Variants in LRRC47 observed in about 807,000 individuals in gnomAD.
The protein encoded by LRRC47 is leucine rich repeat containing 47.
Under a neutral mutation model 40.9 loss-of-function variants are expected in LRRC47, and 31 were observed. The observed-to-expected ratio is 0.76, with a 90% confidence interval of 0.57 to 1.02. LRRC47 has a LOEUF of 1.02. Ranked by LOEUF, LRRC47 falls within the 50% of genes least tolerant of loss-of-function variation. The probability of loss-of-function intolerance (pLI) is 0.00; values close to 1 mark genes in which losing one functional copy is unlikely to be tolerated. For synonymous variants in LRRC47, 427 were observed against 371.9 expected, an observed-to-expected ratio of 1.15 and a Z score of -1.70; for missense variants, 726 against 796.1, an observed-to-expected ratio of 0.91 and a Z score of 1.06.
In LRRC47 at chr1:3,780,782, C is replaced by T. The variant is rs372544368; in HGVS notation, c.*306G>A. ...CATGAGGTCAAGAGATCAAGACCAT[C>T]CTGGTCAAAATGGTGAAACCCCGTC... On this transcript the variant is annotated 3_prime_UTR_variant, in exon 7 of 7. Transcript: ENST00000378251. The T allele has an allele frequency of 3.3e-3, 1,138 of 345,992 alleles. 36 individuals are homozygous for T. The South Asian group carries it at 0.033, about 10-fold the overall frequency. 21.4% of individuals were successfully genotyped at this position (345,992 alleles called of 1,614,324 possible).
intron 1 of LRRC47, among the ~76,000 whole-genome samples, chr1:3,790,956 C>T (rs533172818): frequency 1.3e-5 from 2 of 152,230 alleles, no homozygotes; most frequent in African/African-American, 2.4e-5. Flanking sequence ...GAACTGGGCT[C>T]GCACTTAGTT....
At position 3,781,506 on chromosome 1, in the gene LRRC47, A is replaced by G. The variant is rs558278116; in HGVS notation, c.1503+6T>C. 60 of 1,613,110 alleles carry G rather than the reference A, an allele frequency of 3.7e-5. No individual in the cohort carries two copies. The Middle Eastern group carries it at 3.3e-3, about 89-fold the overall frequency. On this transcript the variant is annotated splice_donor_region_variant and intron_variant, in intron 6 of 6. Transcript: ENST00000378251. ...CGTTTCTCAGGAGGAGCCACCCCAC[A>G]CTCACCAGAATGAGGGCATCCATGA...
Position 3,779,545 on chromosome 1 carries a change from C to T in LRRC47, c.*1543G>A, listed in dbSNP as rs1643498808. 6.6e-6 allele frequency: 1 copy of T among 152,206 alleles called. No homozygotes were observed. Among genetic ancestry groups the T allele is most frequent in the South Asian group, 2.1e-4 (1 of 4,818 alleles). The allele number at this position is 152,206 out of a possible 1,614,324, so 9.4% of individuals were successfully genotyped here. ...CTGGACATACACGAAGACACATGGA[C>T]GTGGGGGTCTGACCTGGACATTCAC... On this transcript the variant is annotated 3_prime_UTR_variant, in exon 7 of 7. Coordinates refer to ENST00000378251, the MANE Select transcript of LRRC47 (RefSeq NM_020710.3).
intron 1 of LRRC47, among the ~76,000 whole-genome samples, chr1:3,794,794 C>G (rs1643658169): frequency 6.6e-6 from 1 of 151,846 alleles, no homozygotes; most frequent in Admixed American, 6.6e-5. Flanking sequence ...GTGGCTCACA[C>G]CTGTAATCCT....
Position 3,795,861 on chromosome 1 carries a change from C to A in LRRC47, c.615+1G>T. On this transcript the variant is annotated splice_donor_variant, in intron 1 of 6. Transcript: ENST00000378251. LOFTEE classifies it high-confidence loss of function. ...GCCCCGCCCGGGCAGCCCCCGCTGA[C>A]CTTGAGCGAGGCCAGGTGGGCGATG... The A allele has an allele frequency of 6.3e-7, 1 of 1,581,644 alleles. No individual in the cohort carries two copies. Among genetic ancestry groups the A allele is most frequent in the African/African-American group, 1.4e-5 (1 of 73,222 alleles).
At position 3,787,182 on chromosome 1, in the gene LRRC47, G is replaced by A; in HGVS notation, c.744C>T (p.Gly248=). The A allele has an allele frequency of 6.2e-7, 1 of 1,613,878 alleles. No individual in the cohort carries two copies. The highest frequency in any genetic ancestry group is 8.5e-7 in the Non-Finnish European group (1 of 1,180,040). ...ACTCCAGGATGGATCTGGTCTGGCA[G>A]CCGCTGACCATCTTCTCCAGGCGCT... The part of the protein sequence containing the change: ...RDKRLEKMVS[G]CQTRSILEYL... The change falls in exon 2 of 7, where the codon GGC becomes GGT. Residue 248 remains glycine, a synonymous_variant. Transcript: ENST00000378251.
chr1:3,782,766 G>A lies in LRRC47; in HGVS notation c.1311-3C>T, dbSNP rs1255167778. The A allele has an allele frequency of 6.5e-7, 1 of 1,536,996 alleles. No homozygotes were observed. Among genetic ancestry groups the A allele is most frequent in the Non-Finnish European group, 9.0e-7 (1 of 1,109,794 alleles). ...TTCCATCCAGCAAGTGAAGGTATCT[G>A]TATGGGAAGAAATACAAATTCCAGG... On this transcript the variant is annotated splice_region_variant and splice_polypyrimidine_tract_variant and intron_variant, in intron 4 of 6. Transcript: ENST00000378251.
intron 1 of LRRC47, among the ~76,000 whole-genome samples, chr1:3,792,458 C>T (rs1043970332): frequency 3.8e-5 from 5 of 130,050 alleles, no homozygotes; most frequent in East Asian, 2.2e-4. Context: ...GAGAGCTGGA[C>T]GCACACTTTT....
Position 3,780,962 on chromosome 1 carries a change from G to C in LRRC47, c.*126C>G, listed in dbSNP as rs1183088179. 2.8e-6 allele frequency: 4 copies of C among 1,406,786 alleles called. No homozygotes were observed. The highest frequency in any genetic ancestry group is 3.8e-6 in the Non-Finnish European group (4 of 1,042,142). The allele number at this position is 1,406,786 out of a possible 1,614,324, so 87.1% of individuals were successfully genotyped here. ...CTGCACTCCAGCCTGGCGACAGAGC[G>C]AGACTCCATCTCAAAAAAAAAAACC... On this transcript the variant is annotated 3_prime_UTR_variant, in exon 7 of 7. Transcript: ENST00000378251.
intron 3 of LRRC47, among the ~76,000 whole-genome samples, chr1:3,784,724 G>A (rs1427494433): frequency 3.3e-5 from 5 of 152,230 alleles, no homozygotes; most frequent in African/African-American, 7.2e-5. Flanking sequence ...GGCCGGGTGC[G>A]GTGGCTTACG....
chr1:3,793,205 G>A (rs751507994), intron 1 of LRRC47, among the ~76,000 whole-genome samples: 1 of 151,918 alleles, frequency 6.6e-6, no homozygotes, highest in Non-Finnish European at 1.5e-5. Context: ...TCCGCCTCCC[G>A]GGTTTAAGCG....
chr1:3,788,084 C>A (rs1643594364), intron 1 of LRRC47, among the ~76,000 whole-genome samples: 1 of 152,260 alleles, frequency 6.6e-6, no homozygotes, highest in Non-Finnish European at 1.5e-5. Flanking sequence ...GCACCTGATG[C>A]ACTCTTAGGA....
rs973779731 is a variant in LRRC47 at position 3,781,018 on chromosome 1, A to G, written c.*70T>C. 13 of 1,554,966 alleles carry G rather than the reference A, an allele frequency of 8.4e-6. No individual in the cohort carries two copies. The highest frequency in any genetic ancestry group is 6.9e-5 in the African/African-American group (5 of 72,116). Reference sequence around the variant, plus strand: ...AAAAACTGGGGTGAAAATCTAACGGATAATTCAGCATTGCCGCATAGAAAC... The same window carrying G: ...AAAAACTGGGGTGAAAATCTAACGGGTAATTCAGCATTGCCGCATAGAAAC... On this transcript the variant is annotated 3_prime_UTR_variant, in exon 7 of 7. Transcript: ENST00000378251.
At position 3,780,961 on chromosome 1, in the gene LRRC47, C is replaced by A; in HGVS notation, c.*127G>T. On this transcript the variant is annotated 3_prime_UTR_variant, in exon 7 of 7. Coordinates refer to ENST00000378251, the MANE Select transcript of LRRC47 (RefSeq NM_020710.3). ...ACTGCACTCCAGCCTGGCGACAGAGCGAGACTCCATCTCAAAAAAAAAAAC... is the reference window on the plus strand; with the variant it reads ...ACTGCACTCCAGCCTGGCGACAGAGAGAGACTCCATCTCAAAAAAAAAAAC... 2.1e-6 allele frequency: 3 copies of A among 1,399,692 alleles called. No homozygotes were observed. The highest frequency in any genetic ancestry group is 1.9e-6 in the Non-Finnish European group (2 of 1,036,574). The allele number at this position is 1,399,692 out of a possible 1,614,324, so 86.7% of individuals were successfully genotyped here.
At chr1:3,785,058 A>G (rs371441440) in intron 3 of LRRC47, 29 bp downstream of exon 3, 4 of 1,534,676 alleles carry the variant, frequency 2.6e-6, no homozygotes, top group African/African-American at 2.8e-5. Flanking sequence ...GAGACTCTTC[A>G]GCAGACCCTG....
intron 1 of LRRC47, 38 bp downstream of exon 1, chr1:3,795,824 A>G: frequency 1.3e-6 from 2 of 1,518,380 alleles, no homozygotes; most frequent in Admixed American, 2.0e-5. Context: ...GGCTACTCCA[A>G]GGCCCCATCC....
At position 3,796,065 on chromosome 1, in the gene LRRC47, C is replaced by T; in HGVS notation, c.412G>A (p.Gly138Ser). ...LPQLQSLNLS[G>S]NRLRELPADL... ...GCTGGCAGCTCGCGCAGCCGGTTGC[C>T]GCTGAGGTTGAGGCTCTGCAGCTGC... Residue 138 changes from glycine to serine, a missense_variant, in exon 1 of 7, where the codon GGC (glycine) becomes AGC (serine). By Grantham distance (56) the Gly-to-Ser change is moderately conservative. Transcript: ENST00000378251. 3 of 1,537,174 alleles carry T rather than the reference C, an allele frequency of 2.0e-6. No individual in the cohort carries two copies. Among genetic ancestry groups the T allele is most frequent in the South Asian group, 1.2e-5 (1 of 83,458 alleles).
intron 2 of LRRC47, among the ~76,000 whole-genome samples, chr1:3,786,647 C>G (rs1643576313): frequency 6.6e-6 from 1 of 152,206 alleles, no homozygotes; most frequent in Non-Finnish European, 1.5e-5. Flanking sequence ...GGGACTGAGG[C>G]CTTACCCCCT....
chr1:3,786,160 G>A (rs546516535), intron 2 of LRRC47, among the ~76,000 whole-genome samples: 6 of 151,132 alleles, frequency 4.0e-5, no homozygotes, highest in African/African-American at 1.5e-4. Context: ...GTGAGCCACC[G>A]CACCAGCTGG....
Sources: gnomAD v4.1 joint callset for allele counts (sites outside exome capture counted in the v4.1 genomes callset) on GRCh38, gnomAD v4.1.1 for gene constraint, MANE v1.5 for transcripts, NCBI Gene and HGNC (gene_info 2026-07-23, HGNC 2026-07-21) for gene names.